The following FRAS1 variants were observed in gnomAD, a reference collection of about 807,000 sequenced individuals.
FRAS1 encodes the protein extracellular matrix organizing protein FRAS1.
FRAS1 carries 290 observed loss-of-function variants against 435.2 expected under a neutral mutation model. That is an observed-to-expected ratio of 0.67 (90% CI 0.61 to 0.73). The LOEUF (loss-of-function observed/expected upper bound fraction) is 0.73. Among genes scored for constraint, FRAS1 ranks in the 30% least tolerant of loss-of-function variants. The pLI, the probability that FRAS1 is intolerant of heterozygous loss-of-function variation, is 0.00. For synonymous variants in FRAS1, 1,800 were observed against 1,851.0 expected (o/e 0.97, Z 0.71); for missense variants, 4,860 against 5,001.5 (o/e 0.97, Z 0.85).
chr4:78,329,142 C>T (rs1729834264), intron 18 of FRAS1, among the ~76,000 whole-genome samples: 1 of 152,192 alleles, frequency 6.6e-6, no homozygotes, highest in Non-Finnish European at 1.5e-5. Flanking sequence ...TGTTCCCATC[C>T]AGAGTTGTGT....
intron 43 of FRAS1, among the ~76,000 whole-genome samples, chr4:78,447,085 T>C (rs1003546179): frequency 4.0e-5 from 6 of 151,602 alleles, no homozygotes; most frequent in Middle Eastern, 3.4e-3. Flanking sequence ...TCCCAGTTAA[T>C]TGGTGTCTCT....
chr4:78,129,579 A>G (rs1719578147), intron 2 of FRAS1, among the ~76,000 whole-genome samples: 1 of 151,928 alleles, frequency 6.6e-6, no homozygotes, highest in Non-Finnish European at 1.5e-5. Flanking sequence ...GTGAAACTGA[A>G]TTAGAGAACT....
rs142519446 is a variant in FRAS1 at position 78,205,301 on chromosome 4, A to G, written c.109-32209A>G. Among the ~76,000 whole-genome samples, 1,007 of 151,544 alleles carry G rather than the reference A, an allele frequency of 6.6e-3. 10 individuals are homozygous for G. The highest frequency in any genetic ancestry group is 0.027 in the Middle Eastern group (8 of 294). On this transcript the variant is annotated intron_variant, in intron 2 of 73. Transcript: ENST00000512123. ...ACTGCAGCTTGGAGTTCATAGGCTC[A>G]AGCAATCCTCCTGCTTCAGCCTCCT...
chr4:78,270,776 G>A (rs1035106198), intron 9 of FRAS1, among the ~76,000 whole-genome samples: 18 of 152,120 alleles, frequency 1.2e-4, no homozygotes, highest in South Asian at 4.2e-4. Flanking sequence ...CAAATTCAGT[G>A]TTTCTGGGTT....
At chr4:78,217,760 C>T (rs1359921813) in intron 2 of FRAS1, among the ~76,000 whole-genome samples, 1 of 151,214 alleles carries the variant, frequency 6.6e-6, no homozygotes, top group African/African-American at 2.4e-5. Context: ...CTCCTATTCC[C>T]TCTAACTCAT....
At chr4:78,278,765 C>G (rs115606681) in intron 10 of FRAS1, 21 bp downstream of exon 10, 1 of 1,342,450 alleles carries the variant, frequency 7.4e-7, no homozygotes, top group African/African-American at 1.4e-5. Flanking sequence ...GGCTTATAAC[C>G]GAAGATGATT....
intron 2 of FRAS1, among the ~76,000 whole-genome samples, chr4:78,112,827 T>C (rs549528295): frequency 1.3e-4 from 20 of 152,164 alleles, no homozygotes; most frequent in African/African-American, 4.6e-4. Flanking sequence ...TTTATTTATT[T>C]ATTCATTTTT....
At chr4:78,150,510 CATTATGAAGG>C (rs1278540321) in intron 2 of FRAS1, among the ~76,000 whole-genome samples, 1 of 152,154 alleles carries the variant, frequency 6.6e-6, no homozygotes, top group African/African-American at 2.4e-5. Flanking sequence ...AGAATTTAGA[CATTATGAAGG>C]GTTTCTCCTT....
chr4:78,113,316 G>T (rs537095956), intron 2 of FRAS1, among the ~76,000 whole-genome samples: 1 of 152,200 alleles, frequency 6.6e-6, no homozygotes, highest in Non-Finnish European at 1.5e-5. Context: ...ATAGCAGCAT[G>T]ATTTATAATC....
intron 11 of FRAS1, 61 bp from the exon 12 acceptor site, chr4:78,282,759 C>T: frequency 1.3e-6 from 2 of 1,580,830 alleles, no homozygotes; most frequent in Non-Finnish European, 8.6e-7. Flanking sequence ...TCTTCAGCAG[C>T]AAGCTCTCTT....
intron 1 of FRAS1, among the ~76,000 whole-genome samples, chr4:78,059,183 C>G (rs1362816239): frequency 2.0e-5 from 3 of 152,116 alleles, no homozygotes; most frequent in Non-Finnish European, 4.4e-5. Flanking sequence ...CGGGGCGGCT[C>G]CCGGGAGTCG....
intron 2 of FRAS1, among the ~76,000 whole-genome samples, chr4:78,152,607 C>CTTTTTTTTTTTTTT (rs71214398): frequency 1.4e-4 from 10 of 72,422 alleles, no homozygotes; most frequent in Non-Finnish European, 2.2e-4. Context: ...ATGTAGGCTG[C>CTTTTTTTTTTTTTT]TTTTTTTTTT....
chr4:78,132,578 A>G (rs770063285), intron 2 of FRAS1, among the ~76,000 whole-genome samples: 1 of 152,172 alleles, frequency 6.6e-6, no homozygotes, highest in Non-Finnish European at 1.5e-5. Context: ...GTGTCAGGAG[A>G]TGCAAGGGAG....
intron 63 of FRAS1, among the ~76,000 whole-genome samples, chr4:78,509,410 C>T (rs1720960680): frequency 6.6e-6 from 1 of 152,168 alleles, no homozygotes; most frequent in African/African-American, 2.4e-5. Flanking sequence ...AATGTATCTC[C>T]AATCGTTCAA....
intron 9 of FRAS1, among the ~76,000 whole-genome samples, chr4:78,277,906 G>A: frequency 6.6e-6 from 1 of 151,646 alleles, no homozygotes; most frequent in African/African-American, 2.4e-5. Context: ...CCGCCTCCCT[G>A]GTTCACACCA....
chr4:78,279,422 C>T (rs1213540833), intron 10 of FRAS1, among the ~76,000 whole-genome samples: 1 of 152,136 alleles, frequency 6.6e-6, no homozygotes, highest in African/African-American at 2.4e-5. Flanking sequence ...TTGGCTGCTG[C>T]ATGGGTGAGT....
intron 29 of FRAS1, among the ~76,000 whole-genome samples, chr4:78,399,137 G>A (rs1379249992): frequency 1.3e-5 from 2 of 152,194 alleles, no homozygotes; most frequent in Non-Finnish European, 2.9e-5. Context: ...TGAGAAAGGA[G>A]AATATTCTCT....
intron 32 of FRAS1, among the ~76,000 whole-genome samples, chr4:78,416,752 G>A (rs923033697): frequency 5.9e-5 from 9 of 152,308 alleles, no homozygotes; most frequent in East Asian, 3.9e-4. Context: ...AGACATTGCA[G>A]GGTGTTGAGC....
intron 47 of FRAS1, among the ~76,000 whole-genome samples, chr4:78,458,383 A>G (rs907469031): frequency 3.3e-5 from 5 of 152,178 alleles, no homozygotes; most frequent in African/African-American, 1.2e-4. Flanking sequence ...CATTATTTTT[A>G]TTCACCAGAT....
Sources: gnomAD v4.1 joint callset for allele counts (sites outside exome capture counted in the v4.1 genomes callset) on GRCh38, gnomAD v4.1.1 for gene constraint, MANE v1.5 for transcripts, NCBI Gene and HGNC (gene_info 2026-07-23, HGNC 2026-07-21) for gene names.